CACNA1E: variants seen among roughly 807,000 people sequenced by gnomAD.
CACNA1E encodes the protein voltage-dependent R-type calcium channel subunit alpha-1E.
In CACNA1E, 40 loss-of-function variants were observed where a neutral mutation model predicts 259.2. The ratio of observed to expected loss-of-function variants is 0.15; its 90% confidence interval spans 0.12 to 0.20. CACNA1E has a LOEUF of 0.20. CACNA1E is among the 10% of genes least tolerant of loss of function. CACNA1E has a pLI of 1.00. For synonymous variants in CACNA1E, 1,104 were observed against 1,138.5 expected (o/e 0.97, Z 0.61); for missense variants, 1,874 against 3,040.1 (o/e 0.62, Z 9.02).
In CACNA1E at chr1:181,752,218, C is replaced by G; in HGVS notation, c.3807C>G (p.Ile1269Met). 6.2e-7 allele frequency: 1 copy of G among 1,613,318 alleles called. No homozygotes were observed. Among genetic ancestry groups the G allele is most frequent in the East Asian group, 2.2e-5 (1 of 44,884 alleles). The change falls in exon 27 of 48, where the codon ATC becomes ATG. Residue 1269 changes from isoleucine (I) to methionine (M), a missense_variant. By Grantham distance (10) the Ile-to-Met change is conservative (BLOSUM62 1). Coordinates refer to ENST00000367573, the MANE Select transcript of CACNA1E (RefSeq NM_001205293.3). ...GAGTTCTAAGGCCACTGAAAACCAT[C>G]AAGCGCTTGCCCAAGCTCAAGGTAG... The part of the protein sequence containing the change: ...VLRVLRPLKT[I>M]KRLPKLKAVF...
chr1:181,719,873 C>G lies in CACNA1E; in HGVS notation c.1751+10C>G, dbSNP rs759729688. On this transcript the variant is annotated intron_variant, in intron 13 of 47. Transcript: ENST00000367573. ...TATTTAAAATAACCAAGTAAGTGAT[C>G]AGAATTTGGACTTTTCCCAATGTCT... The G allele has an allele frequency of 2.1e-6, 3 of 1,454,924 alleles. No individual in the cohort carries two copies. The allele number at this position is 1,454,924 out of a possible 1,614,324, so 90.1% of individuals were successfully genotyped here. A position where few individuals can be genotyped will look rare whatever the true frequency, so the allele number is the denominator to read the frequency against.
chr1:181,353,097 C>T (rs1439190421), intron 1 of CACNA1E, among the ~76,000 whole-genome samples: 1 of 152,104 alleles, frequency 6.6e-6, no homozygotes, highest in Admixed American at 6.5e-5. Flanking sequence ...AGATCGTTGC[C>T]CACACATATT....
intron 7 of CACNA1E, among the ~76,000 whole-genome samples, chr1:181,704,928 T>G (rs1652647354): frequency 6.6e-6 from 1 of 152,146 alleles, no homozygotes. Flanking sequence ...CCAGTCCAGG[T>G]GCCCTGTGAC....
intron 1 of CACNA1E, among the ~76,000 whole-genome samples, chr1:181,322,064 C>T (rs776217404): frequency 3.3e-5 from 5 of 152,058 alleles, no homozygotes; most frequent in Non-Finnish European, 5.9e-5. Flanking sequence ...TGGAAGAAAC[C>T]TTCTGGGTGG....
chr1:181,484,977 G>A (rs1663658077), intron 1 of CACNA1E, among the ~76,000 whole-genome samples: 1 of 152,256 alleles, frequency 6.6e-6, no homozygotes, highest in Non-Finnish European at 1.5e-5. Context: ...TGCACCAAAT[G>A]CAGACTGCTG....
At chr1:181,354,057 A>G (rs1160713505) in intron 1 of CACNA1E, among the ~76,000 whole-genome samples, 1 of 152,162 alleles carries the variant, frequency 6.6e-6, no homozygotes, top group Non-Finnish European at 1.5e-5. Context: ...CCTGGGACAC[A>G]CAAATTGGAA....
chr1:181,785,620 T>C (rs997716470), intron 42 of CACNA1E, 93 bp from the exon 43 acceptor site: 14 of 933,212 alleles, frequency 1.5e-5, no homozygotes, highest in Non-Finnish European at 2.5e-5. Flanking sequence ...GGATAAGTTA[T>C]GTGCCTGTAT....
At chr1:181,548,118 A>ACTTTTATTTT (rs1647697262) in intron 3 of CACNA1E, among the ~76,000 whole-genome samples, 2 of 25,416 alleles carry the variant, frequency 7.9e-5, no homozygotes, top group South Asian at 2.6e-3. Context: ...TTCCCATAAC[A>ACTTTTATTTT]CTTTTTTTTT....
chr1:181,704,911 C>T (rs532375546), intron 7 of CACNA1E, among the ~76,000 whole-genome samples: 65 of 152,268 alleles, frequency 4.3e-4, no homozygotes, highest in African/African-American at 1.5e-3. Flanking sequence ...AGACAAGCAT[C>T]GAGATACCAG....
intron 2 of CACNA1E, among the ~76,000 whole-genome samples, chr1:181,477,070 A>G (rs1332038343): frequency 2.6e-5 from 4 of 152,144 alleles, no homozygotes; most frequent in East Asian, 1.9e-4. Context: ...GTAATGCTAT[A>G]ATCTTCGTGA....
intron 3 of CACNA1E, among the ~76,000 whole-genome samples, chr1:181,549,267 A>C (rs142549500): frequency 6.6e-6 from 1 of 152,284 alleles, no homozygotes; most frequent in African/African-American, 2.4e-5. Flanking sequence ...AAAATGTCAC[A>C]CAACCAGGTT....
chr1:181,408,390 A>T (rs1170522015), intron 1 of CACNA1E, among the ~76,000 whole-genome samples: 2 of 152,256 alleles, frequency 1.3e-5, no homozygotes, highest in Admixed American at 6.5e-5. Context: ...TTTCTAAAGC[A>T]GTAAAAAATA....
chr1:181,367,550 T>C (rs1200508153), intron 1 of CACNA1E, among the ~76,000 whole-genome samples: 3 of 148,114 alleles, frequency 2.0e-5, no homozygotes, highest in African/African-American at 2.4e-5. Context: ...CAATTATTTA[T>C]ATTTATATAA....
chr1:181,786,272 A>T (rs1012451837), intron 43 of CACNA1E, among the ~76,000 whole-genome samples: 1 of 152,116 alleles, frequency 6.6e-6, no homozygotes, highest in African/African-American at 2.4e-5. Context: ...ACTTATAGAG[A>T]CACTATTTGC....
chr1:181,674,221 T>TA (rs1649119691), intron 7 of CACNA1E, among the ~76,000 whole-genome samples: 4 of 47,046 alleles, frequency 8.5e-5, no homozygotes, highest in African/African-American at 3.1e-4. Context: ...CTACTAAAAA[T>TA]ACAAAAAAAA....
At chr1:181,515,058 T>G (rs557693248) in intron 3 of CACNA1E, among the ~76,000 whole-genome samples, 15 of 152,220 alleles carry the variant, frequency 9.9e-5, no homozygotes, top group Middle Eastern at 6.8e-3. Context: ...CCAAGTTCCT[T>G]CTTTCACTGA....
intron 7 of CACNA1E, among the ~76,000 whole-genome samples, chr1:181,668,328 C>A (rs980527659): frequency 2.0e-5 from 3 of 152,172 alleles, no homozygotes; most frequent in African/African-American, 7.2e-5. Flanking sequence ...GTTGTTCATT[C>A]CTTTTTATTT....
chr1:181,410,676 C>T (rs186963187), intron 1 of CACNA1E, among the ~76,000 whole-genome samples: 8 of 152,246 alleles, frequency 5.3e-5, no homozygotes, highest in Non-Finnish European at 1.2e-4. Context: ...GGTAGAGACA[C>T]TGTGATCAAT....
rs943924169 is a variant in CACNA1E, at chr1:181,721,665, C to A, written c.1957-93C>A. 4.6e-6 allele frequency: 3 copies of A among 658,338 alleles called. No individual in the cohort carries two copies. The Admixed American group carries it at 6.9e-5, about 15-fold the overall frequency. The allele number at this position is 658,338 out of a possible 1,614,324, so 40.8% of individuals were successfully genotyped here. On this transcript the variant is annotated intron_variant, in intron 15 of 47. Coordinates refer to ENST00000367573, the MANE Select transcript of CACNA1E (RefSeq NM_001205293.3). Reference sequence around the variant, plus strand: ...AGATTGTCAAGCAAGGGGGTAGATGCAAAAGACCCAGGCCCAGAATTTGCC... The same window carrying A: ...AGATTGTCAAGCAAGGGGGTAGATGAAAAAGACCCAGGCCCAGAATTTGCC...
Sources: allele counts gnomAD v4.1 joint callset (sites outside exome capture counted in the v4.1 genomes callset), GRCh38; gene constraint gnomAD v4.1.1; transcripts MANE v1.5; gene names NCBI Gene and HGNC (gene_info 2026-07-23, HGNC 2026-07-21).